TRABD2A: variants seen among roughly 807,000 people sequenced by gnomAD.
The protein encoded by TRABD2A is metalloprotease TIKI1.
Under a neutral mutation model 45.6 loss-of-function variants are expected in TRABD2A, and 43 were observed. The observed-to-expected ratio is 0.94, with a 90% CI of 0.74 to 1.22. The LOEUF (loss-of-function observed/expected upper bound fraction) is 1.22. Among genes scored for constraint, TRABD2A ranks in the 50% most tolerant of loss-of-function variants. The pLI, the probability that TRABD2A is intolerant of heterozygous loss-of-function variation, is 0.00. For missense variants in TRABD2A, 642 were observed against 652.4 expected, an observed-to-expected ratio of 0.98 and a Z score of 0.17; for synonymous variants, 269 against 265.0, an observed-to-expected ratio of 1.02 and a Z score of -0.15.
At chr2:84,853,543 G>A in intron 2 of TRABD2A, among the ~76,000 whole-genome samples, 1 of 152,178 alleles carries the variant, frequency 6.6e-6, no homozygotes, top group East Asian at 1.9e-4. Flanking sequence ...TGACACATGG[G>A]GATTATGGAA....
At chr2:84,849,778 A>G (rs1339819990) in intron 2 of TRABD2A, among the ~76,000 whole-genome samples, 3 of 152,184 alleles carry the variant, frequency 2.0e-5, no homozygotes, top group Non-Finnish European at 2.9e-5. Flanking sequence ...ACTGCAATCA[A>G]TTGCTGGCTC....
intron 2 of TRABD2A, among the ~76,000 whole-genome samples, chr2:84,860,399 C>T (rs577126960): frequency 2.0e-5 from 3 of 152,206 alleles, no homozygotes; most frequent in South Asian, 2.1e-4. Context: ...GACAGAGGGA[C>T]GAAGACGTGA....
chr2:84,840,942 T>C (rs916790601), intron 3 of TRABD2A, among the ~76,000 whole-genome samples: 8 of 152,196 alleles, frequency 5.3e-5, no homozygotes, highest in Non-Finnish European at 1.0e-4. Flanking sequence ...CTTCTCCCCA[T>C]TGCTGCTATT....
In TRABD2A at chr2:84,870,371, G is replaced by C. The variant is rs1267898861; in HGVS notation, c.523C>G (p.Leu175Val). ...CGGGACTTAATGTCCACTTCAGTCA[G>C]GGAGTTGACCATGAGCATCACCCAG... is the stretch of plus-strand genomic sequence containing the variant. The part of the protein sequence containing the change: ...PVWVMLMVNS[L>V]TEVDIKSRGV... The change falls in exon 2 of 7, where the codon CTG becomes GTG. Residue 175 changes from leucine to valine, a missense_variant. Physicochemically the swap from Leu to Val is conservative, Grantham distance 32. Coordinates refer to ENST00000409520, the MANE Select transcript of TRABD2A (RefSeq NM_001277053.2). 6.2e-7 allele frequency: 1 copy of C among 1,614,048 alleles called. No homozygotes were observed. Among genetic ancestry groups the C allele is most frequent in the South Asian group, 1.1e-5 (1 of 91,090 alleles).
intron 4 of TRABD2A, chr2:84,836,430 G>C (rs1381242885): frequency 6.6e-6 from 1 of 152,136 alleles, no homozygotes; most frequent in African/African-American, 2.4e-5. Flanking sequence ...TCCTATTGGG[G>C]ATCCCTTGTC....
chr2:84,873,151 T>G (rs1436649693), intron 1 of TRABD2A, among the ~76,000 whole-genome samples: 1 of 150,292 alleles, frequency 6.7e-6, no homozygotes, highest in Non-Finnish European at 1.5e-5. Flanking sequence ...CCGAGCGCAG[T>G]TGCTGACGCC....
intron 1 of TRABD2A, among the ~76,000 whole-genome samples, chr2:84,875,812 G>A (rs990575614): frequency 2.0e-5 from 3 of 152,048 alleles, no homozygotes; most frequent in Non-Finnish European, 2.9e-5. Context: ...GGACAACATA[G>A]CAAGACCCTG....
intron 2 of TRABD2A, among the ~76,000 whole-genome samples, chr2:84,861,858 T>A (rs915840310): frequency 1.3e-5 from 2 of 152,238 alleles, no homozygotes; most frequent in African/African-American, 4.8e-5. Context: ...GAGAGGCTAA[T>A]GAGGTCTCTC....
At chr2:84,870,983 T>C (rs1479153592) in intron 1 of TRABD2A, among the ~76,000 whole-genome samples, 198 bp from the exon 2 acceptor site, 1 of 152,126 alleles carries the variant, frequency 6.6e-6, no homozygotes, top group African/African-American at 2.4e-5. Context: ...AATCAGGGGC[T>C]CATTAGGACT....
chr2:84,840,132 C>T (rs1681659048), intron 3 of TRABD2A, among the ~76,000 whole-genome samples: 1 of 152,182 alleles, frequency 6.6e-6, no homozygotes, highest in African/African-American at 2.4e-5. Context: ...GCTGCTGCTT[C>T]CAGTAGCCTC....
intron 4 of TRABD2A, chr2:84,834,482 G>A (rs1681437628): frequency 6.6e-6 from 1 of 152,282 alleles, no homozygotes; most frequent in African/African-American, 2.4e-5. Flanking sequence ...ATGCCAGTCG[G>A]TGATTTTTTC....
intron 3 of TRABD2A, among the ~76,000 whole-genome samples, chr2:84,839,938 C>T (rs1274828359): frequency 1.3e-5 from 2 of 152,148 alleles, no homozygotes; most frequent in South Asian, 2.1e-4. Flanking sequence ...TGACAATCAG[C>T]GTGGTTCTTG....
At chr2:84,854,010 C>T (rs1173337258) in intron 2 of TRABD2A, among the ~76,000 whole-genome samples, 2 of 150,944 alleles carry the variant, frequency 1.3e-5, no homozygotes, top group Non-Finnish European at 2.9e-5. Flanking sequence ...CAGAGCGAGA[C>T]TCCATCTCAA....
intron 2 of TRABD2A, 64 bp from the exon 3 acceptor site, chr2:84,842,071 T>C (rs1573928453): frequency 2.8e-6 from 4 of 1,419,732 alleles, no homozygotes; most frequent in Non-Finnish European, 3.7e-6. Flanking sequence ...CTTATTTCTT[T>C]TGTCCATGGC....
In TRABD2A at chr2:84,841,887, C is replaced by T. The variant is rs750677479; in HGVS notation, c.790G>A (p.Val264Ile). ...KHYNCGDLSSVILSHDSSQVP... is the reference protein window; with the variant it reads ...KHYNCGDLSSIILSHDSSQVP... The stretch of plus-strand genomic sequence containing the variant: ...TGGGAGCTGTCATGGCTGAGGATGA[C>T]GGAGCTGAGGTCCCCGCAGTTATAG... Residue 264 changes from valine to isoleucine, a missense_variant, in exon 3 of 7, where the codon GTC becomes ATC. By Grantham distance (29) the Val-to-Ile change is conservative (BLOSUM62 3). Coordinates refer to ENST00000409520, the MANE Select transcript of TRABD2A (RefSeq NM_001277053.2). 40 of 1,542,264 alleles carry T rather than the reference C, an allele frequency of 2.6e-5. No homozygotes were observed. Among genetic ancestry groups the T allele is most frequent in the Non-Finnish European group, 2.9e-5 (33 of 1,143,800 alleles).
intron 2 of TRABD2A, among the ~76,000 whole-genome samples, chr2:84,865,994 G>A (rs1682666066): frequency 6.6e-6 from 1 of 152,186 alleles, no homozygotes; most frequent in African/African-American, 2.4e-5. Context: ...AACTTGATTC[G>A]ATACCGAGGG....
At chr2:84,862,661 CA>C (rs112217763) in intron 2 of TRABD2A, among the ~76,000 whole-genome samples, 7 of 152,148 alleles carry the variant, frequency 4.6e-5, no homozygotes, top group African/African-American at 1.4e-4. Context: ...AGCCCAGAGC[CA>C]GGGGAAGGGA....
Position 84,824,546 on chromosome 2 carries a change from CTTTTTTTT to C in TRABD2A, c.1083-350_1083-343del, listed in dbSNP as rs33984190. Among the ~76,000 whole-genome samples the C allele has an allele frequency of 5.2e-3, 553 of 106,124 alleles. 3 individuals are homozygous for C. The highest frequency in any genetic ancestry group is 0.018 in the African/African-American group (513 of 28,404). The allele number at this position is 106,124 out of a possible 152,430, so 69.6% of individuals were successfully genotyped here. A position where few individuals can be genotyped will look rare whatever the true frequency, so the allele number is the denominator to read the frequency against. On this transcript the variant is annotated intron_variant, in intron 5 of 6. Transcript: ENST00000409520. ...TCTAGAAAGACACTGACAATTATAG[CTTTTTTTT>C]TTTTTTTTTTTTTTGAGATCGGGTT...
rs1163042006 is a variant in TRABD2A, at chr2:84,841,927, C to T, written c.750G>A (p.Glu250=). 2.6e-6 allele frequency: 4 copies of T among 1,548,754 alleles called. No homozygotes were observed. The South Asian group carries it at 3.6e-5, about 14-fold the overall frequency. Residue 250 remains glutamate, a synonymous_variant, in exon 3 of 7, where the codon GAG becomes GAA. Coordinates refer to ENST00000409520, the MANE Select transcript of TRABD2A (RefSeq NM_001277053.2). ...AGSLQIPYTT[E]DLIKHYNCGD... ...CGCAGTTATAGTGTTTGATGAGATCCTCCGTCGTGTAGGGGATCTGAAGAC... is the reference window on the plus strand; with the variant it reads ...CGCAGTTATAGTGTTTGATGAGATCTTCCGTCGTGTAGGGGATCTGAAGAC...
Sources: gnomAD v4.1 joint callset for allele counts (sites outside exome capture counted in the v4.1 genomes callset) on GRCh38, gnomAD v4.1.1 for gene constraint, MANE v1.5 for transcripts, NCBI Gene and HGNC (gene_info 2026-07-23, HGNC 2026-07-21) for gene names.